Variants in CHL1 observed in about 807,000 individuals in gnomAD.
CHL1 encodes cell adhesion molecule L1 like.
A neutral mutation model predicts 141.9 loss-of-function variants in CHL1; 96 were observed. The ratio of observed to expected loss-of-function variants is 0.68; its 90% CI spans 0.57 to 0.80. The LOEUF (loss-of-function observed/expected upper bound fraction) is 0.80, where lower values mean the gene tolerates loss of function less well. Ranked by LOEUF, CHL1 falls within the 30% of genes least tolerant of loss-of-function variation. The pLI is 0.00. For missense variants in CHL1, 1,820 were observed against 1,457.2 expected, an observed-to-expected ratio of 1.25 and a Z score of -4.05; for synonymous variants, 613 against 502.2, an observed-to-expected ratio of 1.22 and a Z score of -2.95.
intron 2 of CHL1, among the ~76,000 whole-genome samples, chr3:290,935 CA>C (rs11328876): frequency 0.26 from 23,821 of 91,576 alleles, 3,353 homozygotes; most frequent in African/African-American, 0.51. Context: ...GACTCTGTCT[CA>C]AAAAAAAAAA....
At chr3:238,796 G>T (rs1692248756) in intron 1 of CHL1, among the ~76,000 whole-genome samples, 1 of 151,538 alleles carries the variant, frequency 6.6e-6, no homozygotes, top group African/African-American at 2.4e-5. Context: ...AGCTGGATGT[G>T]GTGGCGGGTG....
intron 24 of CHL1, among the ~76,000 whole-genome samples, chr3:397,933 T>A (rs1328486411): frequency 6.6e-6 from 1 of 152,182 alleles, no homozygotes; most frequent in Admixed American, 6.5e-5. Flanking sequence ...TGCACAAAAT[T>A]ATATTGTATA....
intron 1 of CHL1, among the ~76,000 whole-genome samples, chr3:216,567 A>G (rs553799682): frequency 2.0e-5 from 3 of 152,200 alleles, no homozygotes; most frequent in Non-Finnish European, 4.4e-5. Flanking sequence ...GTGCTTACAG[A>G]TGTCTTGTGT....
rs563549998 is a variant in CHL1 at position 258,161 on chromosome 3, T to C, written c.-95+13469T>C. On this transcript the variant is annotated intron_variant, in intron 2 of 27. Coordinates refer to ENST00000256509, the MANE Select transcript of CHL1 (RefSeq NM_006614.4). Reference sequence around the variant, plus strand: ...TTTAAAACGTTCACTTGCTCCCCCATGGCTGTCTGTCCAGGCAGAAGCAAC... The same window carrying C: ...TTTAAAACGTTCACTTGCTCCCCCACGGCTGTCTGTCCAGGCAGAAGCAAC... Among the ~76,000 whole-genome samples the C allele has an allele frequency of 9.3e-4, 142 of 152,340 alleles. 1 individual carries two copies. The highest frequency in any genetic ancestry group is 3.2e-3 in the African/African-American group (134 of 41,590).
intron 2 of CHL1, among the ~76,000 whole-genome samples, chr3:310,922 C>A (rs1699702022): frequency 6.6e-6 from 1 of 152,204 alleles, no homozygotes; most frequent in African/African-American, 2.4e-5. Flanking sequence ...AACCACTTAT[C>A]TTTTTACTTT....
intron 2 of CHL1, among the ~76,000 whole-genome samples, chr3:244,931 G>A (rs1693017997): frequency 6.6e-6 from 1 of 152,030 alleles, no homozygotes; most frequent in Non-Finnish European, 1.5e-5. Flanking sequence ...TTACCTTAAA[G>A]TTATTTTTCT....
At chr3:310,160 A>T (rs1304524193) in intron 2 of CHL1, among the ~76,000 whole-genome samples, 1 of 152,132 alleles carries the variant, frequency 6.6e-6, no homozygotes, top group Admixed American at 6.5e-5. Context: ...ATGAGCATTC[A>T]TGGGTTGGGC....
At chr3:395,643 G>T (rs1345891564) in intron 24 of CHL1, among the ~76,000 whole-genome samples, 1 of 152,226 alleles carries the variant, frequency 6.6e-6, no homozygotes, top group Non-Finnish European at 1.5e-5. Context: ...AGAAAAGAAG[G>T]ATGTAGAAGA....
chr3:271,858 A>C (rs1187832749), intron 2 of CHL1, among the ~76,000 whole-genome samples: 1 of 152,190 alleles, frequency 6.6e-6, no homozygotes, highest in Non-Finnish European at 1.5e-5. Context: ...GTGATGTTTG[A>C]AGCACTCTTA....
At chr3:223,612 C>A (rs1314328629) in intron 1 of CHL1, among the ~76,000 whole-genome samples, 3 of 152,110 alleles carry the variant, frequency 2.0e-5, no homozygotes, top group Non-Finnish European at 4.4e-5. Flanking sequence ...TATAATTGTC[C>A]AACAGGTTCT....
intron 2 of CHL1, among the ~76,000 whole-genome samples, chr3:284,224 G>A (rs1696919341): frequency 6.6e-6 from 1 of 152,214 alleles, no homozygotes; most frequent in African/African-American, 2.4e-5. Context: ...CAGGGGGGCT[G>A]CATGAGATTA....
chr3:379,587 G>C (rs1348272802), intron 16 of CHL1, among the ~76,000 whole-genome samples: 1 of 151,882 alleles, frequency 6.6e-6, no homozygotes, highest in African/African-American at 2.4e-5. Context: ...AAAAGGACCG[G>C]GTCTCCTACT....
chr3:321,408 C>A (rs764174421), intron 3 of CHL1, among the ~76,000 whole-genome samples: 2 of 151,960 alleles, frequency 1.3e-5, no homozygotes, highest in Admixed American at 6.6e-5. Flanking sequence ...AAATTCTGGT[C>A]GGGAGTCTAA....
chr3:296,161 A>C (rs1025324261), intron 2 of CHL1, among the ~76,000 whole-genome samples: 17 of 152,244 alleles, frequency 1.1e-4, no homozygotes, highest in African/African-American at 4.1e-4. Context: ...ACTTCATTTT[A>C]ATATCCCGTA....
intron 4 of CHL1, among the ~76,000 whole-genome samples, chr3:326,631 T>A (rs1299778857): frequency 6.6e-6 from 1 of 151,886 alleles, no homozygotes; most frequent in Non-Finnish European, 1.5e-5. Context: ...TAATCACTGA[T>A]GAGCTTTTTC....
chr3:399,443 C>G (rs1385498172), intron 26 of CHL1, among the ~76,000 whole-genome samples: 4 of 152,066 alleles, frequency 2.6e-5, no homozygotes, highest in Admixed American at 2.6e-4. Flanking sequence ...AGATCGAGAC[C>G]ATCCTGGCCA....
chr3:374,944 G>GA (rs1281872299), intron 15 of CHL1, among the ~76,000 whole-genome samples: 1 of 152,202 alleles, frequency 6.6e-6, no homozygotes, highest in East Asian at 1.9e-4. Flanking sequence ...AATGAGAAGT[G>GA]AAAATTCCTT....
At chr3:230,583 C>T (rs1334881591) in intron 1 of CHL1, among the ~76,000 whole-genome samples, 2 of 151,992 alleles carry the variant, frequency 1.3e-5, no homozygotes, top group African/African-American at 2.4e-5. Flanking sequence ...TTGGGTGCCA[C>T]ACTTGACCTT....
At chr3:257,185 TA>T (rs1694248719) in intron 2 of CHL1, among the ~76,000 whole-genome samples, 1 of 152,168 alleles carries the variant, frequency 6.6e-6, no homozygotes, top group Non-Finnish European at 1.5e-5. Flanking sequence ...TGATCATACG[TA>T]ATCTAAGATA....
Sources: allele counts gnomAD v4.1 joint callset (sites outside exome capture counted in the v4.1 genomes callset), GRCh38; gene constraint gnomAD v4.1.1; transcripts MANE v1.5; gene names NCBI Gene and HGNC (gene_info 2026-07-23, HGNC 2026-07-21).